ADAMTS20: variants seen among roughly 807,000 people sequenced by gnomAD.
ADAMTS20 encodes ADAM metallopeptidase with thrombospondin type 1 motif 20, also known as A disintegrin and metalloproteinase with thrombospondin motifs 20.
In ADAMTS20, 225 loss-of-function variants were observed where a neutral mutation model predicts 260.1. The ratio of observed to expected loss-of-function variants is 0.87; its 90% CI spans 0.78 to 0.97. The LOEUF is 0.97. ADAMTS20 is among the 50% of genes least tolerant of loss of function. ADAMTS20 has a pLI of 0.00. For missense variants in ADAMTS20, 2,400 were observed against 2,337.7 expected, an observed-to-expected ratio of 1.03 and a Z score of -0.55; for synonymous variants, 802 against 769.5, an observed-to-expected ratio of 1.04 and a Z score of -0.70.
chr12:43,501,481 G>GCGCGCGCGCGCACACACACACACA (rs373746834), intron 4 of ADAMTS20, among the ~76,000 whole-genome samples: 1 of 117,810 alleles, frequency 8.5e-6, no homozygotes. Context: ...GCGCGCGCGC[G>GCGCGCGCGCGCACACACACACACA]CACACACACA....
At chr12:43,393,707 T>C (rs988665118) in intron 29 of ADAMTS20, among the ~76,000 whole-genome samples, 5 of 152,052 alleles carry the variant, frequency 3.3e-5, no homozygotes, top group Admixed American at 2.0e-4. Flanking sequence ...TTTGCAACTA[T>C]GGTTTATTTC....
chr12:43,466,595 C>A (rs74913159), intron 9 of ADAMTS20, 57 bp downstream of exon 9: 4 of 1,509,790 alleles, frequency 2.6e-6, no homozygotes, highest in Non-Finnish European at 3.6e-6. Context: ...TTAAAAATAT[C>A]AATTTCAAAT....
At chr12:43,473,102 C>T (rs1565564003) in intron 7 of ADAMTS20, among the ~76,000 whole-genome samples, 2 of 55,324 alleles carry the variant, frequency 3.6e-5, no homozygotes, top group African/African-American at 7.8e-5. Flanking sequence ...ATCTCACGTG[C>T]AGAGACACAC....
intron 2 of ADAMTS20, among the ~76,000 whole-genome samples, chr12:43,539,475 T>A (rs188808976): frequency 2.2e-4 from 33 of 152,322 alleles, no homozygotes; most frequent in Non-Finnish European, 1.0e-4. Context: ...AAGGCAAAGC[T>A]ATAAATATAA....
At chr12:43,365,932 A>T (rs1312120468) in intron 37 of ADAMTS20, among the ~76,000 whole-genome samples, 4 of 151,966 alleles carry the variant, frequency 2.6e-5, no homozygotes, top group African/African-American at 4.8e-5. Flanking sequence ...GTTACACCAG[A>T]AAACATTCAC....
intron 3 of ADAMTS20, among the ~76,000 whole-genome samples, chr12:43,518,044 A>G (rs1943022468): frequency 1.3e-5 from 2 of 152,040 alleles, no homozygotes; most frequent in Non-Finnish European, 2.9e-5. Flanking sequence ...TGATAAATCA[A>G]GTTCTTATTT....
intron 3 of ADAMTS20, among the ~76,000 whole-genome samples, chr12:43,523,382 A>G (rs980856995): frequency 6.6e-6 from 1 of 152,158 alleles, no homozygotes; most frequent in Non-Finnish European, 1.5e-5. Flanking sequence ...GGTAGTGGTC[A>G]TAAGTTGAAA....
chr12:43,419,582 TAGG>T (rs984950279), intron 28 of ADAMTS20, among the ~76,000 whole-genome samples: 2 of 152,098 alleles, frequency 1.3e-5, no homozygotes, highest in African/African-American at 4.8e-5. Context: ...GCCTGAAAAA[TAGG>T]AGAACTGCCA....
Position 43,383,912 on chromosome 12 carries a change from A to G in ADAMTS20, c.4518T>C (p.Gly1506=). The G allele has an allele frequency of 6.2e-7, 1 of 1,613,904 alleles. No individual in the cohort carries two copies. Among genetic ancestry groups the G allele is most frequent in the Admixed American group, 1.7e-5 (1 of 60,000 alleles). The change falls in exon 30 of 39, where the codon GGT becomes GGC. Residue 1506 remains glycine, a synonymous_variant. Coordinates refer to ENST00000389420, the MANE Select transcript of ADAMTS20 (RefSeq NM_025003.5). ...RDVYCRLKGV[G]QVVEEMCDQS... The stretch of plus-strand genomic sequence containing the variant: ...GATCACACATTTCTTCAACCACCTG[A>G]CCAACACCTTTCAGTCTGCAGTATA...
chr12:43,446,484 A>T, intron 15 of ADAMTS20, 111 bp downstream of exon 15: 1 of 725,748 alleles, frequency 1.4e-6, no homozygotes, highest in Non-Finnish European at 2.2e-6. Context: ...ATTTTGGACT[A>T]AGGGTATAGA....
chr12:43,379,997 A>G (rs956290800), intron 31 of ADAMTS20, among the ~76,000 whole-genome samples: 1 of 151,454 alleles, frequency 6.6e-6, no homozygotes, highest in African/African-American at 2.4e-5. Flanking sequence ...AAAAAAAAAA[A>G]CTATAGACCA....
intron 37 of ADAMTS20, among the ~76,000 whole-genome samples, chr12:43,368,004 T>C (rs183339355): frequency 6.6e-6 from 1 of 152,184 alleles, no homozygotes; most frequent in Admixed American, 6.6e-5. Context: ...CTCACTCCTC[T>C]TTCATGGTAG....
chr12:43,406,039 T>G (rs895904350), intron 28 of ADAMTS20, among the ~76,000 whole-genome samples: 6 of 152,230 alleles, frequency 3.9e-5, no homozygotes, highest in African/African-American at 1.4e-4. Context: ...ACACATATTA[T>G]ACATTACAAA....
intron 3 of ADAMTS20, among the ~76,000 whole-genome samples, chr12:43,518,465 T>A (rs1285956028): frequency 2.0e-5 from 3 of 152,116 alleles, no homozygotes; most frequent in African/African-American, 7.2e-5. Flanking sequence ...TCCTAGTTGA[T>A]TTCTCCTCAT....
intron 4 of ADAMTS20, among the ~76,000 whole-genome samples, chr12:43,498,412 T>G (rs1365536948): frequency 6.6e-6 from 1 of 151,866 alleles, no homozygotes; most frequent in East Asian, 2.0e-4. Context: ...CCTGAAAGCA[T>G]TCCCCTATTT....
At chr12:43,417,103 T>C (rs1941147297) in intron 28 of ADAMTS20, among the ~76,000 whole-genome samples, 1 of 152,194 alleles carries the variant, frequency 6.6e-6, no homozygotes, top group African/African-American at 2.4e-5. Context: ...TTTCCCACAA[T>C]TCTTAACCCA....
Position 43,376,129 on chromosome 12 carries a change from T to G in ADAMTS20, c.5240A>C (p.Tyr1747Ser). 6.2e-7 allele frequency: 1 copy of G among 1,608,428 alleles called. No individual in the cohort carries two copies. The highest frequency in any genetic ancestry group is 8.5e-7 in the Non-Finnish European group (1 of 1,177,418). The change falls in exon 35 of 39, where the codon TAC (tyrosine) becomes TCC (serine). Residue 1747 changes from tyrosine to serine, a missense_variant. Tyr to Ser is a moderately radical substitution (Grantham distance 144). Transcript: ENST00000389420. The part of the protein sequence containing the change: ...RIIKIYCADM[Y>S]LENPKEYLTL... The stretch of plus-strand genomic sequence containing the variant: ...TAAATATTCCTTAGGGTTCTCCAAG[T>G]ACATGTCTGCACAATAAATCTAAAG...
At chr12:43,450,618 T>C (rs1217155393) in intron 14 of ADAMTS20, among the ~76,000 whole-genome samples, 2 of 152,176 alleles carry the variant, frequency 1.3e-5, no homozygotes, top group Non-Finnish European at 2.9e-5. Flanking sequence ...CCTTTATCAC[T>C]GAGATAAGGT....
In ADAMTS20 at chr12:43,439,618, G is replaced by T. The variant is rs567330864; in HGVS notation, c.2593+4C>A. ...CTTTTCTCCCTTATTGAATGCCAGC[G>T]TACCTTGACACATTTTGGTACAGCC... On this transcript the variant is annotated splice_donor_region_variant and intron_variant, in intron 18 of 38. Coordinates refer to ENST00000389420, the MANE Select transcript of ADAMTS20 (RefSeq NM_025003.5). 6.2e-7 allele frequency: 1 copy of T among 1,600,952 alleles called. No homozygotes were observed. The highest frequency in any genetic ancestry group is 8.5e-7 in the Non-Finnish European group (1 of 1,176,152).
Sources: allele counts gnomAD v4.1 joint callset (sites outside exome capture counted in the v4.1 genomes callset), GRCh38; gene constraint gnomAD v4.1.1; transcripts MANE v1.5; gene names NCBI Gene and HGNC (gene_info 2026-07-23, HGNC 2026-07-21).